GRID2: variants seen among roughly 807,000 people sequenced by gnomAD.
GRID2 encodes the protein glutamate ionotropic receptor delta type subunit 2, also known as glutamate receptor ionotropic, delta-2.
A neutral mutation model predicts 114.8 loss-of-function variants in GRID2; 33 were observed. The observed-to-expected ratio is 0.29, with a 90% CI of 0.22 to 0.38. The LOEUF (loss-of-function observed/expected upper bound fraction) is 0.38, where lower values mean the gene tolerates loss of function less well. Among genes scored for constraint, GRID2 ranks in the 10% least tolerant of loss-of-function variants. The pLI is 1.00. For missense variants in GRID2, 1,184 were observed against 1,257.7 expected (o/e 0.94, Z 0.89); for synonymous variants, 505 against 449.9 (o/e 1.12, Z -1.55).
chr4:93,383,360 A>G (rs780222387), intron 8 of GRID2, among the ~76,000 whole-genome samples: 3 of 152,162 alleles, frequency 2.0e-5, no homozygotes, highest in African/African-American at 7.2e-5. Context: ...TGCTCCTGAA[A>G]CATATTCATG....
chr4:93,021,695 A>T, intron 2 of GRID2, among the ~76,000 whole-genome samples: 1 of 145,236 alleles, frequency 6.9e-6, no homozygotes, highest in Admixed American at 7.0e-5. Context: ...TATAATATGT[A>T]TATTATGAAT....
At chr4:92,687,182 A>AT (rs146395858) in intron 2 of GRID2, among the ~76,000 whole-genome samples, 15,742 of 142,726 alleles carry the variant, frequency 0.11, 914 homozygotes, top group Middle Eastern at 0.19. Context: ...GATTTTTTTG[A>AT]TTTTTTTTTT....
At chr4:93,160,098 G>C (rs774623044) in intron 4 of GRID2, among the ~76,000 whole-genome samples, 5 of 151,696 alleles carry the variant, frequency 3.3e-5, no homozygotes, top group Non-Finnish European at 5.9e-5. Context: ...TATTTTCACA[G>C]TTAAACAATA....
At chr4:93,490,221 A>G (rs956114795) in intron 11 of GRID2, among the ~76,000 whole-genome samples, 14 of 141,584 alleles carry the variant, frequency 9.9e-5, no homozygotes, top group Non-Finnish European at 2.0e-4. Flanking sequence ...TAGAGAATAT[A>G]ACAAAAAATA....
At chr4:93,550,577 G>C (rs997668813) in intron 13 of GRID2, among the ~76,000 whole-genome samples, 1 of 152,150 alleles carries the variant, frequency 6.6e-6, no homozygotes, top group African/African-American at 2.4e-5. Context: ...GGCATTCATA[G>C]ATTTGAAGAC....
intron 2 of GRID2, among the ~76,000 whole-genome samples, chr4:92,788,495 TAAAAG>T (rs1229030743): frequency 2.6e-5 from 4 of 151,922 alleles, no homozygotes; most frequent in Non-Finnish European, 4.4e-5. Flanking sequence ...TGTTCATCCT[TAAAAG>T]AGAACATGCA....
chr4:92,645,965 G>A (rs867400740), intron 2 of GRID2, among the ~76,000 whole-genome samples: 2 of 151,606 alleles, frequency 1.3e-5, no homozygotes, highest in South Asian at 2.1e-4. Flanking sequence ...CACTTTTCTT[G>A]CAGTCAAATG....
chr4:92,502,741 G>A (rs13104925), intron 1 of GRID2, among the ~76,000 whole-genome samples: 4 of 101,812 alleles, frequency 3.9e-5, no homozygotes, highest in Non-Finnish European at 7.1e-5. Flanking sequence ...TTTCCTATAC[G>A]AAGTCTTGCT....
At chr4:92,673,022 G>A (rs141347370) in intron 2 of GRID2, among the ~76,000 whole-genome samples, 55 of 151,984 alleles carry the variant, frequency 3.6e-4, no homozygotes, top group African/African-American at 7.5e-4. Context: ...TCTTATCTTC[G>A]TAAGATTTAC....
At chr4:92,625,106 A>G (rs1730456692) in intron 2 of GRID2, among the ~76,000 whole-genome samples, 1 of 151,794 alleles carries the variant, frequency 6.6e-6, no homozygotes, top group African/African-American at 2.4e-5. Flanking sequence ...GCCATCATTT[A>G]GGAGAGAAAT....
rs542120088 is a variant in GRID2 at position 93,201,699 on chromosome 4, T to A, written c.736-5705T>A. The stretch of plus-strand genomic sequence containing the variant: ...AATCGTCCCCTGCACTTGTAGGAAC[T>A]GTTCCACATTTATTACTAGTGAGAA... On this transcript the variant is annotated intron_variant, in intron 4 of 15. Coordinates refer to ENST00000282020, the MANE Select transcript of GRID2 (RefSeq NM_001510.4). Among the ~76,000 whole-genome samples, 7 of 152,370 alleles carry A rather than the reference T, an allele frequency of 4.6e-5. No individual in the cohort carries two copies. In the East Asian group the frequency reaches 1.3e-3, roughly 29 times the overall value.
intron 2 of GRID2, among the ~76,000 whole-genome samples, chr4:92,721,454 G>C (rs561703225): frequency 6.6e-6 from 1 of 152,058 alleles, no homozygotes; most frequent in East Asian, 1.9e-4. Flanking sequence ...TATAAATAAA[G>C]CATAGTGAAA....
chr4:92,982,215 T>C (rs537565909), intron 2 of GRID2, among the ~76,000 whole-genome samples: 1 of 152,018 alleles, frequency 6.6e-6, no homozygotes, highest in African/African-American at 2.4e-5. Context: ...CCAAACTAGA[T>C]AGTGTCAAAT....
chr4:92,447,986 A>G, intron 1 of GRID2, among the ~76,000 whole-genome samples: 1 of 152,152 alleles, frequency 6.6e-6, no homozygotes, highest in East Asian at 1.9e-4. Flanking sequence ...ACAAAAACAA[A>G]CATATCACTT....
At chr4:92,615,899 A>G (rs757872513) in intron 2 of GRID2, among the ~76,000 whole-genome samples, 4 of 151,284 alleles carry the variant, frequency 2.6e-5, no homozygotes, top group East Asian at 2.0e-4. Context: ...ACTTCTACCC[A>G]CTGTTGTTAT....
chr4:92,604,573 G>T (rs1729368117), intron 2 of GRID2, among the ~76,000 whole-genome samples: 1 of 152,042 alleles, frequency 6.6e-6, no homozygotes, highest in African/African-American at 2.4e-5. Flanking sequence ...AATAACTAAG[G>T]CATGTGGGGC....
At chr4:92,548,300 T>C (rs1231644016) in intron 1 of GRID2, among the ~76,000 whole-genome samples, 2 of 152,116 alleles carry the variant, frequency 1.3e-5, no homozygotes, top group Non-Finnish European at 2.9e-5. Flanking sequence ...GTAGCAGGTA[T>C]TCATTCAATG....
chr4:92,971,873 A>AT (rs1753541831), intron 2 of GRID2, among the ~76,000 whole-genome samples: 1 of 152,016 alleles, frequency 6.6e-6, no homozygotes, highest in Non-Finnish European at 1.5e-5. Context: ...ATGGGATTTC[A>AT]TTTTTTCAGG....
intron 2 of GRID2, among the ~76,000 whole-genome samples, chr4:92,929,603 G>T (rs1750075256): frequency 6.6e-6 from 1 of 151,324 alleles, no homozygotes; most frequent in Non-Finnish European, 1.5e-5. Context: ...GCATGTAAAA[G>T]TCATGCTAAC....
Sources: gnomAD v4.1 joint callset for allele counts (sites outside exome capture counted in the v4.1 genomes callset) on GRCh38, gnomAD v4.1.1 for gene constraint, MANE v1.5 for transcripts, NCBI Gene and HGNC (gene_info 2026-07-23, HGNC 2026-07-21) for gene names.